The following TMEM132D variants were observed in gnomAD, a reference collection of about 807,000 sequenced individuals.
The protein encoded by TMEM132D is mature OL transmembrane protein.
TMEM132D carries 21 observed loss-of-function variants against 62.3 expected under a neutral mutation model. That is an observed-to-expected ratio of 0.34 (90% CI 0.24 to 0.49). TMEM132D has a LOEUF of 0.49. Among genes scored for constraint, TMEM132D ranks in the 20% least tolerant of loss-of-function variants. The pLI is 0.99. For missense variants in TMEM132D, 1,346 were observed against 1,402.8 expected (o/e 0.96, Z 0.65); for synonymous variants, 621 against 575.6 (o/e 1.08, Z -1.13).
Position 129,546,800 on chromosome 12 carries a change from C to CA in TMEM132D, c.969-15596dup, listed in dbSNP as rs113282704. Among the ~76,000 whole-genome samples, 469 of 125,092 alleles carry CA rather than the reference C, an allele frequency of 3.7e-3. 1 individual carries two copies. The highest frequency in any genetic ancestry group is 4.7e-3 in the Admixed American group (57 of 12,092). 82.1% of individuals were successfully genotyped at this position (125,092 alleles called of 152,430 possible). A position where few individuals can be genotyped will look rare whatever the true frequency, so the allele number is the denominator to read the frequency against. ...TGGGCAACAGAGCGATACTCCGTCT[C>CA]AAAAAAAAAAAAGAAAAGAAAAAAG... On this transcript the variant is annotated intron_variant, in intron 2 of 8. Transcript: ENST00000422113.
At chr12:129,080,207 A>G (rs1016720188) in intron 7 of TMEM132D, among the ~76,000 whole-genome samples, 2 of 152,264 alleles carry the variant, frequency 1.3e-5, no homozygotes, top group Non-Finnish European at 2.9e-5. Flanking sequence ...AAGATTGCAT[A>G]TAAAAACAGA....
At chr12:129,100,367 C>T (rs1306268010) in intron 5 of TMEM132D, among the ~76,000 whole-genome samples, 1 of 152,160 alleles carries the variant, frequency 6.6e-6, no homozygotes, top group East Asian at 1.9e-4. Context: ...CATTGAAGGT[C>T]AAGGTGACCC....
intron 1 of TMEM132D, among the ~76,000 whole-genome samples, chr12:129,880,469 T>C (rs1002733744): frequency 4.6e-5 from 7 of 152,152 alleles, no homozygotes; most frequent in Admixed American, 4.6e-4. Context: ...ATAAAATCCA[T>C]TTTGTCTTAT....
chr12:129,297,465 A>C (rs1433207734), intron 4 of TMEM132D, among the ~76,000 whole-genome samples: 2 of 152,202 alleles, frequency 1.3e-5, no homozygotes, highest in African/African-American at 4.8e-5. Context: ...TAGCTGAGAA[A>C]GCAGGTCTGC....
At chr12:129,440,899 A>C (rs1281984325) in intron 3 of TMEM132D, among the ~76,000 whole-genome samples, 2 of 152,210 alleles carry the variant, frequency 1.3e-5, no homozygotes, top group African/African-American at 4.8e-5. Flanking sequence ...ATTAAAAATA[A>C]CCATGGAAAC....
chr12:129,159,903 G>A (rs1019209319), intron 5 of TMEM132D, among the ~76,000 whole-genome samples: 2 of 152,158 alleles, frequency 1.3e-5, no homozygotes, highest in East Asian at 1.9e-4. Context: ...GTGGATACAA[G>A]TGGGCAGCCA....
At position 129,073,720 on chromosome 12, in the gene TMEM132D, C is replaced by T. The variant is rs777826021; in HGVS notation, c.*155G>A. On this transcript the variant is annotated 3_prime_UTR_variant, in exon 9 of 9. Coordinates refer to ENST00000422113, the MANE Select transcript of TMEM132D (RefSeq NM_133448.3). ...GTGCGTCGATGCGGACTCCAGGCCTCGCCGCCGAGCCGGGGTCATTGGCTG... is the reference window on the plus strand; with the variant it reads ...GTGCGTCGATGCGGACTCCAGGCCTTGCCGCCGAGCCGGGGTCATTGGCTG... The T allele has an allele frequency of 1.1e-5, 7 of 645,348 alleles. No individual in the cohort carries two copies. The Admixed American group carries it at 1.4e-4, about 13-fold the overall frequency. 40.0% of individuals were successfully genotyped at this position (645,348 alleles called of 1,614,324 possible). A position where few individuals can be genotyped will look rare whatever the true frequency, so the allele number is the denominator to read the frequency against.
chr12:129,390,231 T>C (rs10847854), intron 3 of TMEM132D, among the ~76,000 whole-genome samples: 54,973 of 152,122 alleles, frequency 0.36, 10,633 homozygotes, highest in Middle Eastern at 0.45. Context: ...TCTTTTTTTG[T>C]GCCTGAAGTT....
chr12:129,902,701 C>T (rs967604268), intron 1 of TMEM132D, among the ~76,000 whole-genome samples: 3 of 152,240 alleles, frequency 2.0e-5, no homozygotes, highest in Non-Finnish European at 4.4e-5. Flanking sequence ...GCCCAAACCT[C>T]ACAGCGGCAG....
chr12:129,274,800 T>G (rs12309293), intron 4 of TMEM132D, among the ~76,000 whole-genome samples: 6 of 152,062 alleles, frequency 3.9e-5, no homozygotes, highest in Non-Finnish European at 5.9e-5. Context: ...GGCAGGAGAA[T>G]GGCGTGAACC....
intron 5 of TMEM132D, among the ~76,000 whole-genome samples, chr12:129,172,880 C>A (rs1000193158): frequency 2.0e-5 from 3 of 152,086 alleles, no homozygotes; most frequent in African/African-American, 7.2e-5. Flanking sequence ...CCCGGCCTGG[C>A]CTCATTTCAA....
chr12:129,197,320 T>C (rs1237571903), intron 5 of TMEM132D, among the ~76,000 whole-genome samples: 1 of 152,158 alleles, frequency 6.6e-6, no homozygotes, highest in African/African-American at 2.4e-5. Context: ...ACCCCTATTC[T>C]AGAAGATGAG....
chr12:129,622,235 C>T (rs112274567), intron 2 of TMEM132D, among the ~76,000 whole-genome samples: 1 of 152,132 alleles, frequency 6.6e-6, no homozygotes, highest in Admixed American at 6.5e-5. Flanking sequence ...CCCACTCGTC[C>T]ACTAGCCCCA....
At chr12:129,750,567 G>A (rs963309336) in intron 1 of TMEM132D, among the ~76,000 whole-genome samples, 2 of 152,134 alleles carry the variant, frequency 1.3e-5, no homozygotes, top group African/African-American at 2.4e-5. Flanking sequence ...AGGCCTATTC[G>A]TAAGTGGTAA....
Position 129,579,351 on chromosome 12 carries a change from T to C in TMEM132D, c.969-48146A>G, listed in dbSNP as rs371229383. On this transcript the variant is annotated intron_variant, in intron 2 of 8. Coordinates refer to ENST00000422113, the MANE Select transcript of TMEM132D (RefSeq NM_133448.3). The stretch of plus-strand genomic sequence containing the variant: ...CTCTACAGGGACGAAACTAATCAGA[T>C]ATACGTATATATGGAAGGGAGTTTA... Among the ~76,000 whole-genome samples, 54 of 152,344 alleles carry C rather than the reference T, an allele frequency of 3.5e-4. 2 individuals are homozygous for C. The South Asian group carries it at 5.2e-3, about 15-fold the overall frequency.
intron 1 of TMEM132D, among the ~76,000 whole-genome samples, chr12:129,780,258 C>G (rs138243844): frequency 1.6e-4 from 25 of 152,150 alleles, no homozygotes; most frequent in Non-Finnish European, 2.5e-4. Flanking sequence ...TGACCCTCCC[C>G]CTCCGAGCAT....
intron 3 of TMEM132D, among the ~76,000 whole-genome samples, chr12:129,410,435 C>T (rs894999588): frequency 6.6e-6 from 1 of 152,224 alleles, no homozygotes; most frequent in Non-Finnish European, 1.5e-5. Context: ...TCTCAGCTCA[C>T]TGCAATCTTT....
chr12:129,821,975 T>C (rs1308109708), intron 1 of TMEM132D, among the ~76,000 whole-genome samples: 1 of 152,190 alleles, frequency 6.6e-6, no homozygotes, highest in Non-Finnish European at 1.5e-5. Flanking sequence ...CTGGGCACCA[T>C]GCTAGGTGCT....
At chr12:129,131,928 A>T (rs1876387411) in intron 5 of TMEM132D, among the ~76,000 whole-genome samples, 2 of 152,164 alleles carry the variant, frequency 1.3e-5, no homozygotes, top group South Asian at 4.1e-4. Context: ...AGGAGACCAC[A>T]GGGTAAACTT....
Sources: allele counts gnomAD v4.1 joint callset (sites outside exome capture counted in the v4.1 genomes callset), GRCh38; gene constraint gnomAD v4.1.1; transcripts MANE v1.5; gene names NCBI Gene and HGNC (gene_info 2026-07-23, HGNC 2026-07-21).